The following NRXN3 variants were observed in gnomAD, a reference collection of about 807,000 sequenced individuals.
The protein encoded by NRXN3 is neurexin III.
NRXN3 carries 32 observed loss-of-function variants against 137.6 expected under a neutral mutation model. That is an observed-to-expected ratio of 0.23 (90% confidence interval 0.18 to 0.31). NRXN3 has a LOEUF of 0.31. Among genes scored for constraint, NRXN3 ranks in the 10% least tolerant of loss-of-function variants. The pLI is 1.00. For synonymous variants in NRXN3, 798 were observed against 784.5 expected (o/e 1.02, Z -0.29); for missense variants, 1,574 against 2,062.5 (o/e 0.76, Z 4.59).
chr14:78,278,434 G>C (rs570217261), intron 2 of NRXN3, among the ~76,000 whole-genome samples: 1 of 152,316 alleles, frequency 6.6e-6, no homozygotes, highest in Admixed American at 6.5e-5. Context: ...AAAGTGAAAA[G>C]GGAGCTTGGC....
At chr14:79,106,002 T>G (rs375462750) in intron 15 of NRXN3, among the ~76,000 whole-genome samples, 9 of 152,148 alleles carry the variant, frequency 5.9e-5, no homozygotes, top group Admixed American at 5.9e-4. Flanking sequence ...AGTTCTGCTT[T>G]GATCACCACT....
At chr14:78,231,631 G>C (rs1486777505) in intron 1 of NRXN3, 1 of 151,554 alleles carries the variant, frequency 6.6e-6, no homozygotes, top group Admixed American at 6.6e-5. Context: ...TTGGAAGTGA[G>C]GAGCTGAGAT....
At chr14:79,380,027 A>G (rs1206359113) in intron 15 of NRXN3, among the ~76,000 whole-genome samples, 2 of 152,026 alleles carry the variant, frequency 1.3e-5, no homozygotes, top group Non-Finnish European at 2.9e-5. Flanking sequence ...GCACCTTCTA[A>G]GCTGCAGTAT....
At chr14:78,187,602 A>G (rs1419987443) in intron 1 of NRXN3, among the ~76,000 whole-genome samples, 7 of 152,140 alleles carry the variant, frequency 4.6e-5, no homozygotes, top group Non-Finnish European at 1.0e-4. Flanking sequence ...GGCCACAGTA[A>G]TAACGATGGC....
At chr14:79,719,249 A>ATGTGTG (rs1363452308) in intron 19 of NRXN3, among the ~76,000 whole-genome samples, 8 of 51,806 alleles carry the variant, frequency 1.5e-4, no homozygotes, top group African/African-American at 4.4e-4. Context: ...TCATAGACAT[A>ATGTGTG]TATGTGTGTG....
At chr14:79,501,852 G>A (rs1400921581) in intron 16 of NRXN3, among the ~76,000 whole-genome samples, 1 of 152,144 alleles carries the variant, frequency 6.6e-6, no homozygotes, top group Non-Finnish European at 1.5e-5. Context: ...ATGTCGGAGA[G>A]GAAGGACAGA....
chr14:78,424,196 GT>G (rs2093572365), intron 4 of NRXN3, among the ~76,000 whole-genome samples: 1 of 152,186 alleles, frequency 6.6e-6, no homozygotes, highest in African/African-American at 2.4e-5. Flanking sequence ...CCATCTGGTT[GT>G]TTTCTTACCA....
chr14:79,057,797 C>A (rs2099667745), intron 15 of NRXN3, among the ~76,000 whole-genome samples: 1 of 152,070 alleles, frequency 6.6e-6, no homozygotes, highest in East Asian at 1.9e-4. Context: ...GAGTGATTGC[C>A]AACTGCTCCT....
chr14:79,225,728 T>G (rs1024577212), intron 15 of NRXN3, among the ~76,000 whole-genome samples: 5 of 152,150 alleles, frequency 3.3e-5, no homozygotes, highest in Non-Finnish European at 7.3e-5. Context: ...CGTAAACCAC[T>G]TTGGTTTCCT....
At chr14:78,644,945 T>G (rs1215838137) in intron 4 of NRXN3, among the ~76,000 whole-genome samples, 175 bp from the exon 5 acceptor site, 1 of 152,248 alleles carries the variant, frequency 6.6e-6, no homozygotes, top group Non-Finnish European at 1.5e-5. Flanking sequence ...TCACCCCTGC[T>G]GCTAGTTTCC....
rs555050273 is a variant in NRXN3 at position 79,625,489 on chromosome 14, A to G, written c.3445-38289A>G. On this transcript the variant is annotated intron_variant, in intron 16 of 20. Coordinates refer to ENST00000335750, the MANE Select transcript of NRXN3 (RefSeq NM_001330195.2). ...ATACCCAGAAGAACAATTGCTAGAT[A>G]ATATGGTAGTTCTAGTTCTAATTGT... is the stretch of plus-strand genomic sequence containing the variant. 2.6e-5 allele frequency among the ~76,000 whole-genome samples: 4 copies of G among 152,296 alleles called. No individual in the cohort carries two copies. In the South Asian group the frequency reaches 8.3e-4, roughly 32 times the overall value.
chr14:79,762,816 T>C (rs928405075), intron 19 of NRXN3, among the ~76,000 whole-genome samples: 3 of 151,722 alleles, frequency 2.0e-5, no homozygotes, highest in South Asian at 4.1e-4. Flanking sequence ...AGTGATAGTA[T>C]CATACAAACA....
At chr14:79,803,073 T>A (rs1369320167) in intron 19 of NRXN3, among the ~76,000 whole-genome samples, 1 of 152,122 alleles carries the variant, frequency 6.6e-6, no homozygotes, top group Non-Finnish European at 1.5e-5. Context: ...TCTTTTTTTC[T>A]GCTAGCCTTG....
At chr14:78,589,064 T>G (rs973176123) in intron 4 of NRXN3, among the ~76,000 whole-genome samples, 1 of 152,186 alleles carries the variant, frequency 6.6e-6, no homozygotes, top group Non-Finnish European at 1.5e-5. Flanking sequence ...ATGGAGGGAA[T>G]GCCAAGTGTT....
In NRXN3 at chr14:79,861,245, T is replaced by G. The variant is rs2099413407; in HGVS notation, c.4094-97T>G. Reference sequence around the variant, plus strand: ...CAGCGATGGTTGTGATGATGATGGCTTGGTGATATCTGGGTATGGCTCAGG... The same window carrying G: ...CAGCGATGGTTGTGATGATGATGGCGTGGTGATATCTGGGTATGGCTCAGG... On this transcript the variant is annotated intron_variant, in intron 20 of 20. Transcript: ENST00000335750. This position sits in a 1 kb window ranked among gnomAD's most constrained non-coding sequence, Gnocchi z 5.4. 6.5e-7 allele frequency: 1 copy of G among 1,535,570 alleles called. No individual in the cohort carries two copies. Among genetic ancestry groups the G allele is most frequent in the South Asian group, 1.2e-5 (1 of 84,042 alleles).
At chr14:79,826,756 G>T (rs1234743864) in intron 20 of NRXN3, among the ~76,000 whole-genome samples, 1 of 152,062 alleles carries the variant, frequency 6.6e-6, no homozygotes, top group Non-Finnish European at 1.5e-5. Context: ...GCATTTAGTT[G>T]TCAAGCTCAC....
At chr14:78,982,308 G>A (rs972246616) in intron 14 of NRXN3, among the ~76,000 whole-genome samples, 22 of 151,640 alleles carry the variant, frequency 1.5e-4, no homozygotes, top group African/African-American at 4.6e-4. Flanking sequence ...GAACCCTCAC[G>A]CTATACCAAA....
chr14:78,195,035 T>TG (rs1198707234), intron 1 of NRXN3, among the ~76,000 whole-genome samples: 8 of 152,256 alleles, frequency 5.3e-5, no homozygotes, highest in African/African-American at 1.9e-4. Flanking sequence ...GAGATCTGTG[T>TG]GGGGAGGTTA....
intron 17 of NRXN3, among the ~76,000 whole-genome samples, chr14:79,676,820 C>T (rs1188772151): frequency 5.3e-5 from 8 of 152,114 alleles, no homozygotes; most frequent in Admixed American, 2.6e-4. Flanking sequence ...TCAATTTTGA[C>T]TCCAATTAAG....
Sources: gnomAD v4.1 joint callset for allele counts (sites outside exome capture counted in the v4.1 genomes callset) on GRCh38, gnomAD v4.1.1 for gene constraint, Gnocchi (gnomAD v3.1) non-coding constraint, MANE v1.5 for transcripts, NCBI Gene and HGNC (gene_info 2026-07-23, HGNC 2026-07-21) for gene names.